The following SPG7 variants were observed in gnomAD, a reference collection of about 807,000 sequenced individuals.
SPG7 encodes the protein SPG7 matrix AAA peptidase subunit, paraplegin.
Under a neutral mutation model 81.9 loss-of-function variants are expected in SPG7, and 103 were observed. That is an observed-to-expected ratio of 1.26 (90% CI 1.07 to 1.48). The LOEUF is 1.48. SPG7 is among the 40% of genes most tolerant of loss of function. The pLI, the probability that SPG7 is intolerant of heterozygous loss-of-function variation, is 0.00. For missense variants in SPG7, 1,241 were observed against 1,087.3 expected (o/e 1.14, Z -1.99); for synonymous variants, 534 against 444.2 (o/e 1.20, Z -2.54).
chr16:89,510,825 C>A (rs139783203), intron 2 of SPG7, among the ~76,000 whole-genome samples: 4 of 152,154 alleles, frequency 2.6e-5, no homozygotes, highest in African/African-American at 4.8e-5. Context: ...CCGTCACACT[C>A]GGCTAATTGT....
rs114139270 is a variant in SPG7, at chr16:89,552,758, C to T, written c.1780-221C>T. 82 of 582,840 alleles carry T rather than the reference C, an allele frequency of 1.4e-4. No individual in the cohort carries two copies. In the African/African-American group the frequency reaches 1.4e-3, roughly 10 times the overall value. The allele number at this position is 582,840 out of a possible 1,614,324, so 36.1% of individuals were successfully genotyped here. A position where few individuals can be genotyped will look rare whatever the true frequency, so the allele number is the denominator to read the frequency against. ...GCCTGTCTAGTCATGTATGAGAAGA[C>T]ACTTCCCGGCAGTGTGTGAACAGGC... On this transcript the variant is annotated intron_variant, in intron 13 of 16. Transcript: ENST00000645818.
intron 2 of SPG7, among the ~76,000 whole-genome samples, chr16:89,510,834 G>A (rs553505314): frequency 8.5e-4 from 130 of 152,266 alleles, no homozygotes; most frequent in African/African-American, 3.1e-3. Context: ...TCGGCTAATT[G>A]TTTTTTGTAG....
In SPG7 at chr16:89,520,482, C is replaced by T. The variant is rs565918014; in HGVS notation, c.377-3524C>T. The T allele has an allele frequency of 5.8e-4, 92 of 157,530 alleles. No individual in the cohort carries two copies. The Middle Eastern group carries it at 0.016, about 28-fold the overall frequency. 9.8% of individuals were successfully genotyped at this position (157,530 alleles called of 1,614,324 possible). A position where few individuals can be genotyped will look rare whatever the true frequency, so the allele number is the denominator to read the frequency against. On this transcript the variant is annotated intron_variant, in intron 3 of 16. Transcript: ENST00000645818. ...CGCGATCTCAGCCCACTGCAACCTC[C>T]GCCCGCCATGTTTAAGCGATTCTCC...
At position 89,536,467 on chromosome 16, in the gene SPG7, G is replaced by GC. The variant is rs1386549525; in HGVS notation, c.1324+3832dup. 3.5e-4 allele frequency among the ~76,000 whole-genome samples: 43 copies of GC among 123,792 alleles called. No individual in the cohort carries two copies. In the South Asian group the frequency reaches 9.6e-3, roughly 28 times the overall value. 81.2% of individuals were successfully genotyped at this position (123,792 alleles called of 152,430 possible). A position where few individuals can be genotyped will look rare whatever the true frequency, so the allele number is the denominator to read the frequency against. Reference sequence around the variant, plus strand: ...GAGGACTCTCGGTGAGGCGGGTGAGGCGGGTGAGGCGGGTGAGGTCAGGTG... The same window carrying GC: ...GAGGACTCTCGGTGAGGCGGGTGAGGCCGGGTGAGGCGGGTGAGGTCAGGTG... On this transcript the variant is annotated intron_variant, in intron 9 of 16. Transcript: ENST00000645818.
chr16:89,541,517 G>A (rs1202880609), intron 9 of SPG7: 4 of 177,842 alleles, frequency 2.2e-5, no homozygotes, highest in African/African-American at 2.4e-5. Context: ...GGAGATGCTC[G>A]TTATGTGAAC....
chr16:89,513,373 G>C (rs941375703), intron 3 of SPG7, among the ~76,000 whole-genome samples: 5 of 152,054 alleles, frequency 3.3e-5, no homozygotes, highest in African/African-American at 4.8e-5. Flanking sequence ...AAAATTAGCC[G>C]GGCGTGATGG....
In SPG7 at chr16:89,523,834, C is replaced by CT. The variant is rs2058225109; in HGVS notation, c.377-172_377-171insT. The CT allele has an allele frequency of 1.2e-5, 10 of 864,882 alleles. No homozygotes were observed. In the East Asian group the frequency reaches 1.8e-4, roughly 16 times the overall value. The allele number at this position is 864,882 out of a possible 1,614,324, so 53.6% of individuals were successfully genotyped here. On this transcript the variant is annotated intron_variant, in intron 3 of 16. Coordinates refer to ENST00000645818, the MANE Select transcript of SPG7 (RefSeq NM_003119.4). ...GTGTGGGTGACCTCGAACAGCACAG[C>CT]GTTAGTCTTTGTCTCTGATAACGTC...
At chr16:89,523,708 G>C (rs185698845) in intron 3 of SPG7, 2 of 511,064 alleles carry the variant, frequency 3.9e-6, no homozygotes, top group Admixed American at 4.5e-5. Flanking sequence ...GACCACAGGC[G>C]TGCACCGTTG....
intron 1 of SPG7, 41 bp from the exon 2 acceptor site, chr16:89,510,449 T>C (rs370745037): frequency 1.6e-6 from 2 of 1,267,274 alleles, no homozygotes; most frequent in African/African-American, 1.5e-5. Flanking sequence ...TACTCTCTAA[T>C]GTTGGTGTGA....
At position 89,524,037 on chromosome 16, in the gene SPG7, G is replaced by A. The variant is rs373144604; in HGVS notation, c.408G>A (p.Gln136=). Residue 136 remains glutamine, a synonymous_variant, in exon 4 of 17, where the codon CAG becomes CAA. Coordinates refer to ENST00000645818, the MANE Select transcript of SPG7 (RefSeq NM_003119.4). ...EERRRRERDD[Q]MYRERLRTLL... is the part of the protein sequence containing the mutation. ...GGAGACGCCGTGAGCGGGACGACCA[G>A]ATGTACCGAGAGCGGCTGCGCACCT... 2 of 1,613,414 alleles carry A rather than the reference G, an allele frequency of 1.2e-6. No individual in the cohort carries two copies. The highest frequency in any genetic ancestry group is 1.6e-4 in the Middle Eastern group (1 of 6,062).
chr16:89,526,279 C>T lies in SPG7; in HGVS notation c.619-50C>T, dbSNP rs74037215. On this transcript the variant is annotated intron_variant, in intron 4 of 16. Transcript: ENST00000645818. ...GGGCTCTCTGTTGACTGTAGGGTTG[C>T]TCGTCTGTCCCTGCGTTTCTCATGG... The T allele has an allele frequency of 4.6e-3, 7,353 of 1,610,946 alleles. 318 individuals are homozygous for T. The African/African-American group carries it at 0.087, about 19-fold the overall frequency.
intron 3 of SPG7, 93 bp from the exon 4 acceptor site, chr16:89,523,913 C>T (rs1247964910): frequency 1.8e-5 from 28 of 1,526,460 alleles, no homozygotes; most frequent in Middle Eastern, 1.7e-4. Flanking sequence ...TGCCCCTCCC[C>T]GTCCAGCTGA....
chr16:89,518,706 T>C lies in SPG7; in HGVS notation c.377-5300T>C, dbSNP rs575359986. ...AGATCACATGCCGTATGATTTTTTTTTTATACAGCATTCTCTAAAGACAAA... is the reference window on the plus strand; with the variant it reads ...AGATCACATGCCGTATGATTTTTTTCTTATACAGCATTCTCTAAAGACAAA... On this transcript the variant is annotated intron_variant, in intron 3 of 16. Coordinates refer to ENST00000645818, the MANE Select transcript of SPG7 (RefSeq NM_003119.4). The C allele has an allele frequency of 2.0e-5, 3 of 152,318 alleles. No individual in the cohort carries two copies. In the East Asian group the frequency reaches 5.8e-4, roughly 29 times the overall value. 9.4% of individuals were successfully genotyped at this position (152,318 alleles called of 1,614,324 possible).
chr16:89,517,841 G>C (rs1453456847), intron 3 of SPG7: 1 of 152,070 alleles, frequency 6.6e-6, no homozygotes, highest in Non-Finnish European at 1.5e-5. Context: ...GGATGATCTC[G>C]ATCTCCTGAC....
chr16:89,532,007 C>T lies in SPG7; in HGVS notation c.1091C>T (p.Thr364Met), dbSNP rs749416897. The T allele has an allele frequency of 6.8e-6, 11 of 1,613,682 alleles. No individual in the cohort carries two copies. In the Admixed American group the frequency reaches 8.3e-5, roughly 12 times the overall value. The change falls in exon 8 of 17, where the codon ACG (threonine) becomes ATG (methionine). Residue 364 changes from threonine (T) to methionine (M), a missense_variant. Thr to Met is a moderately conservative substitution (Grantham distance 81, BLOSUM62 -1). Transcript: ENST00000645818. Reference protein sequence around the residue: ...GKTLLAKAVATEAQVPFLAMA... With the variant: ...GKTLLAKAVAMEAQVPFLAMA... ...ACGCTGCTGGCCAAGGCGGTGGCCA[C>T]GGAGGCTCAGGTGCCCTTCCTGGCG...
At chr16:89,526,670 G>C (rs894479016) in intron 5 of SPG7, 5 of 567,180 alleles carry the variant, frequency 8.8e-6, no homozygotes, top group African/African-American at 1.9e-5. Flanking sequence ...ATCCATGGGG[G>C]CTGGTTCTCG....
intron 12 of SPG7, chr16:89,548,973 C>T (rs953431583): frequency 8.8e-6 from 4 of 455,006 alleles, no homozygotes; most frequent in African/African-American, 6.0e-5. Flanking sequence ...GAACACGCCT[C>T]TTGCAGGTCC....
At chr16:89,522,168 G>A (rs532626095) in intron 3 of SPG7, 4 of 152,186 alleles carry the variant, frequency 2.6e-5, no homozygotes, top group Non-Finnish European at 5.9e-5. Flanking sequence ...GATTAGGATC[G>A]ATTGTAACAA....
At chr16:89,530,268 C>G (rs1042208208) in intron 6 of SPG7, 3 of 332,706 alleles carry the variant, frequency 9.0e-6, no homozygotes, top group African/African-American at 4.3e-5. Context: ...CTTCAGCCTT[C>G]CAAGTAGCTG....
Sources: allele counts gnomAD v4.1 joint callset (sites outside exome capture counted in the v4.1 genomes callset), GRCh38; gene constraint gnomAD v4.1.1; transcripts MANE v1.5; gene names NCBI Gene and HGNC (gene_info 2026-07-23, HGNC 2026-07-21).